The following MSN variants were observed in gnomAD, a reference collection of about 807,000 sequenced individuals.
MSN encodes moesin, also known as epididymis luminal protein 70.
A neutral mutation model predicts 48.0 loss-of-function variants in MSN; 2 were observed. The ratio of observed to expected loss-of-function variants is 0.04; its 90% CI spans 0.02 to 0.13. MSN has a LOEUF of 0.13. Ranked by LOEUF, MSN falls within the 10% of genes least tolerant of loss-of-function variation. The pLI, the probability that MSN is intolerant of heterozygous loss-of-function variation, is 1.00. For synonymous variants in MSN, 146 were observed against 166.9 expected (o/e 0.87, Z 0.97); for missense variants, 267 against 470.1 (o/e 0.57, Z 3.99).
At chrX:65,665,726 C>T (rs776284882), upstream of MSN, among the ~76,000 whole-genome samples, 263 of 111,565 alleles carry the variant, frequency 2.4e-3, 3 homozygotes, top group African/African-American at 8.4e-3. Context: ...TTGGAAGCCC[C>T]GGAGTCCAGT....
At position 65,741,283 on chromosome X, in the gene MSN, AGTATTAT is replaced by A. The variant is rs1387530579; in HGVS notation, c.*1394_*1400del. On this transcript the variant is annotated 3_prime_UTR_variant, in exon 13 of 13. Transcript: ENST00000360270. ...TCATGTGTGCTCTTCTTCTTTCTACAGTATTATGTACTCTACTGATATCTAAATATTG... is the reference window on the plus strand; with the variant it reads ...TCATGTGTGCTCTTCTTCTTTCTACAGTACTCTACTGATATCTAAATATTG... The A allele has an allele frequency of 1.2e-5, 2 of 165,964 alleles. No homozygotes were observed. Among genetic ancestry groups the A allele is most frequent in the African/African-American group, 6.0e-5 (2 of 33,144 alleles). 13.7% of individuals were successfully genotyped at this position (165,964 alleles called of 1,213,427 possible).
At chrX:65,617,188 C>A (rs1446247410) in intron 1 of MSN, among the ~76,000 whole-genome samples, 1 of 106,189 alleles carries the variant, frequency 9.4e-6, no homozygotes, top group Non-Finnish European at 1.9e-5. Flanking sequence ...TGTGTCTGTG[C>A]CTGGCTTTGG....
intron 1 of MSN, among the ~76,000 whole-genome samples, chrX:65,600,235 A>C (rs778095699): frequency 2.7e-5 from 3 of 111,116 alleles, no homozygotes; most frequent in Non-Finnish European, 5.7e-5. Context: ...GTGTCTTTTT[A>C]AAAATTTCTG....
rs978889452 is a variant in MSN at position 65,622,754 on chromosome X, T to C, written c.-22+34142T>C. ...CTGATCTTGAACTCCTGACCTCAAG[T>C]CTAGCCTCGGCCTCCCAAAGTGCTG... On this transcript the variant is annotated intron_variant, in intron 1 of 3. Transcript: ENST00000609672. 2.7e-5 allele frequency among the ~76,000 whole-genome samples: 3 copies of C among 110,590 alleles called. No individual in the cohort carries two copies. In the Admixed American group the frequency reaches 2.9e-4, roughly 11 times the overall value.
At chrX:65,720,492 C>T (rs1327100190) in intron 2 of MSN, among the ~76,000 whole-genome samples, 1 of 112,109 alleles carries the variant, frequency 8.9e-6, no homozygotes, top group Non-Finnish European at 1.9e-5. Flanking sequence ...AGCATTTGGC[C>T]CTCTTGAGGC....
chrX:65,623,614 C>G (rs1201217014), intron 1 of MSN, among the ~76,000 whole-genome samples: 3 of 109,375 alleles, frequency 2.7e-5, no homozygotes, highest in African/African-American at 1.0e-4. Flanking sequence ...AGTTCAAGAC[C>G]AGCCTGGCCT....
chrX:65,716,439 A>G (rs952786677), intron 1 of MSN: 2 of 246,077 alleles, frequency 8.1e-6, no homozygotes, highest in Admixed American at 8.9e-5. Context: ...CCATGCCCGG[A>G]TAATTTTTGT....
At chrX:65,627,858 G>T (rs2070520716) in intron 1 of MSN, among the ~76,000 whole-genome samples, 1 of 112,092 alleles carries the variant, frequency 8.9e-6, no homozygotes, top group African/African-American at 3.2e-5. Context: ...GGTAGTACAG[G>T]TATTGGGTAA....
chrX:65,667,886 A>C, intron 1 of MSN, 33 bp downstream of exon 1: 1 of 1,186,563 alleles, frequency 8.4e-7, no homozygotes. Flanking sequence ...GTCGACCCCA[A>C]TGGCTCTGGC....
intron 2 of MSN, among the ~76,000 whole-genome samples, chrX:65,717,632 T>C (rs2071479313): frequency 8.9e-6 from 1 of 112,406 alleles, no homozygotes; most frequent in South Asian, 3.7e-4. Flanking sequence ...ATTTTTAGCA[T>C]TCAAGGGAAT....
intron 1 of MSN, among the ~76,000 whole-genome samples, chrX:65,705,211 T>A (rs1381714358): frequency 8.9e-6 from 1 of 111,912 alleles, no homozygotes; most frequent in East Asian, 2.8e-4. Flanking sequence ...GACGTCTTTT[T>A]CAGGTCTGAC....
intron 1 of MSN, among the ~76,000 whole-genome samples, chrX:65,650,052 C>CTTTTTTTTT (rs59222247): frequency 2.3e-3 from 123 of 53,152 alleles, no homozygotes; most frequent in Non-Finnish European, 3.0e-3. Context: ...CCTTTTTTCT[C>CTTTTTTTTT]TTTTTTTTTT....
At chrX:65,614,833 T>C (rs1197879229) in intron 1 of MSN, among the ~76,000 whole-genome samples, 1 of 93,014 alleles carries the variant, frequency 1.1e-5, no homozygotes, top group African/African-American at 3.9e-5. Flanking sequence ...TAGGTATATC[T>C]CCCGATGCTA....
Position 65,656,662 on chromosome X carries a change from G to A in MSN, c.-21-60156G>A, listed in dbSNP as rs757838315. Among the ~76,000 whole-genome samples the A allele has an allele frequency of 4.5e-5, 5 of 111,915 alleles. No individual in the cohort carries two copies. The Admixed American group carries it at 4.8e-4, about 11-fold the overall frequency. ...CTGCTGACAAGACAAAGCAGGATGT[G>A]GGAGGGAGGCCAAATGAGCACTGTG... On this transcript the variant is annotated intron_variant, in intron 1 of 3. Coordinates refer to the MSN transcript ENST00000609672.
intron 2 of MSN, among the ~76,000 whole-genome samples, chrX:65,718,818 TA>T (rs55726908): frequency 0.015 from 1,123 of 75,111 alleles, 28 homozygotes; most frequent in African/African-American, 0.058. Context: ...ACTCTGTCTC[TA>T]AAAAAAAAAA....
intron 1 of MSN, among the ~76,000 whole-genome samples, chrX:65,688,959 G>A (rs1229970116): frequency 8.9e-6 from 1 of 112,326 alleles, no homozygotes; most frequent in African/African-American, 3.2e-5. Flanking sequence ...TTTGGGGGCT[G>A]CTTAGACCTA....
chrX:65,603,502 A>G (rs905161913), intron 1 of MSN, among the ~76,000 whole-genome samples: 1 of 111,759 alleles, frequency 8.9e-6, no homozygotes, highest in South Asian at 3.7e-4. Context: ...TGACAGATCC[A>G]GGTTATGAAT....
chrX:65,665,418 C>T (rs1447411806), upstream of MSN, among the ~76,000 whole-genome samples: 1 of 111,961 alleles, frequency 8.9e-6, no homozygotes, highest in African/African-American at 3.2e-5. Flanking sequence ...ACTGTTTGGG[C>T]TTTCCGATGA....
intron 7 of MSN, among the ~76,000 whole-genome samples, chrX:65,734,728 A>G (rs779133230): frequency 8.9e-6 from 1 of 112,293 alleles, no homozygotes; most frequent in Admixed American, 9.4e-5. Flanking sequence ...ACAAGCAGTG[A>G]TCAGGAGATT....
Sources: allele counts gnomAD v4.1 joint callset (sites outside exome capture counted in the v4.1 genomes callset), GRCh38; gene constraint gnomAD v4.1.1; transcripts MANE v1.5; gene names NCBI Gene and HGNC (gene_info 2026-07-23, HGNC 2026-07-21).